The following LRRIQ1 variants were observed in gnomAD, a reference collection of about 807,000 sequenced individuals.
LRRIQ1 encodes the protein leucine-rich repeat- and IQ domain-containing protein 1.
Under a neutral mutation model 211.9 loss-of-function variants are expected in LRRIQ1, and 210 were observed. The observed-to-expected ratio is 0.99, with a 90% CI of 0.89 to 1.11. The LOEUF is 1.11. Ranked by LOEUF, LRRIQ1 falls within the 50% of genes most tolerant of loss-of-function variation. The probability of loss-of-function intolerance (pLI) is 0.00; values close to 1 mark genes in which losing one functional copy is unlikely to be tolerated. For synonymous variants in LRRIQ1, 699 were observed against 650.1 expected, an observed-to-expected ratio of 1.08 and a Z score of -1.14; for missense variants, 2,136 against 1,939.5, an observed-to-expected ratio of 1.10 and a Z score of -1.90.
At chr12:85,117,871 C>G (rs1732594558) in intron 15 of LRRIQ1, among the ~76,000 whole-genome samples, 2 of 152,018 alleles carry the variant, frequency 1.3e-5, no homozygotes, top group African/African-American at 2.4e-5. Context: ...CACAGTCATG[C>G]CTTTAAGAAA....
intron 26 of LRRIQ1, among the ~76,000 whole-genome samples, chr12:85,236,406 A>G (rs1215241448): frequency 6.6e-6 from 1 of 152,156 alleles, no homozygotes; most frequent in African/African-American, 2.4e-5. Context: ...CAATGAATAC[A>G]TTAGAAAAAT....
At chr12:85,148,051 C>T (rs1330880945) in intron 19 of LRRIQ1, among the ~76,000 whole-genome samples, 8 of 151,838 alleles carry the variant, frequency 5.3e-5, no homozygotes, top group Admixed American at 4.6e-4. Context: ...AGTTCAACTT[C>T]ATTTTCAATA....
intron 26 of LRRIQ1, 43 bp from the exon 27 acceptor site, chr12:85,244,746 A>G (rs774587772): frequency 2.7e-5 from 42 of 1,559,818 alleles, no homozygotes; most frequent in South Asian, 1.7e-4. Flanking sequence ...AAAATGCCAT[A>G]TTTTGTTTCA....
intron 24 of LRRIQ1, among the ~76,000 whole-genome samples, chr12:85,215,683 G>A (rs1025280424): frequency 6.6e-6 from 1 of 152,062 alleles, no homozygotes; most frequent in Non-Finnish European, 1.5e-5. Flanking sequence ...ACAGAAGTAG[G>A]ATGCAAGTGT....
chr12:85,111,195 T>G (rs1358880482), intron 15 of LRRIQ1, among the ~76,000 whole-genome samples: 1 of 152,138 alleles, frequency 6.6e-6, no homozygotes, highest in East Asian at 1.9e-4. Flanking sequence ...GTGGCTTCAC[T>G]GTACTTGGCT....
chr12:85,173,646 T>TACACAC (rs577398810), intron 24 of LRRIQ1, among the ~76,000 whole-genome samples: 1 of 149,948 alleles, frequency 6.7e-6, no homozygotes, highest in African/African-American at 2.5e-5. Context: ...CACACACACA[T>TACACAC]ACACACACAC....
intron 15 of LRRIQ1, among the ~76,000 whole-genome samples, chr12:85,112,754 T>C (rs1887276941): frequency 6.6e-6 from 1 of 152,078 alleles, no homozygotes; most frequent in South Asian, 2.1e-4. Context: ...AAAAATGCGT[T>C]AGTTGGACTC....
At chr12:85,251,726 G>T (rs1374981603) in intron 1 of LRRIQ1, among the ~76,000 whole-genome samples, 2 of 149,036 alleles carry the variant, frequency 1.3e-5, no homozygotes, top group Admixed American at 6.7e-5. Flanking sequence ...GAACATTATG[G>T]TGAAAATTAG....
rs202087547 is a variant in LRRIQ1, at chr12:85,086,935, C to CATTATTATTATTATTATT, written c.2888-11411_2888-11394dup. Among the ~76,000 whole-genome samples, 701 of 149,258 alleles carry CATTATTATTATTATTATT rather than the reference C, an allele frequency of 4.7e-3. 4 individuals are homozygous for CATTATTATTATTATTATT. Among genetic ancestry groups the CATTATTATTATTATTATT allele is most frequent in the African/African-American group, 0.015 (606 of 40,238 alleles). ...AACGATTGAATCTCAGATTGTTCTT[C>CATTATTATTATTATTATT]ATTATTATTATTATTATTATTATTA... On this transcript the variant is annotated intron_variant, in intron 11 of 26. Transcript: ENST00000393217.
At chr12:85,264,177 T>A (rs1226037553) in exon 2 of LRRIQ1, 1 of 152,056 alleles carries the variant, frequency 6.6e-6, no homozygotes, top group African/African-American at 2.4e-5. Flanking sequence ...CCTATTGCAT[T>A]GCAAACCTAT....
chr12:85,102,960 ATATAT>A (rs1274812882), intron 13 of LRRIQ1, among the ~76,000 whole-genome samples: 9 of 99,274 alleles, frequency 9.1e-5, no homozygotes, highest in African/African-American at 1.7e-4. Context: ...AAAAAAAAAA[ATATAT>A]ATATATATAT....
intron 26 of LRRIQ1, among the ~76,000 whole-genome samples, chr12:85,236,737 C>CAT (rs1206701048): frequency 6.8e-6 from 1 of 147,394 alleles, no homozygotes; most frequent in Admixed American, 6.8e-5. Context: ...TTTTTGGATA[C>CAT]ATATATATAT....
chr12:85,252,969 A>G (rs1895990745), intron 1 of LRRIQ1, among the ~76,000 whole-genome samples: 1 of 151,178 alleles, frequency 6.6e-6, no homozygotes, highest in South Asian at 2.1e-4. Flanking sequence ...ATTACACTTA[A>G]TATAAGTAAA....
intron 8 of LRRIQ1, among the ~76,000 whole-genome samples, chr12:85,064,154 A>G (rs548266397): frequency 6.6e-5 from 10 of 151,840 alleles, no homozygotes; most frequent in Non-Finnish European, 1.5e-4. Context: ...CCAACAGTGT[A>G]AGAGGTTCCC....
At chr12:85,164,496 T>C (rs1291164492) in intron 24 of LRRIQ1, among the ~76,000 whole-genome samples, 1 of 152,220 alleles carries the variant, frequency 6.6e-6, no homozygotes, top group Non-Finnish European at 1.5e-5. Context: ...TAAGTACATA[T>C]TAAGTGCTCA....
intron 11 of LRRIQ1, among the ~76,000 whole-genome samples, chr12:85,086,090 C>T (rs145249344): frequency 3.7e-4 from 57 of 152,268 alleles, no homozygotes; most frequent in African/African-American, 1.3e-3. Context: ...ACCTCTCCAA[C>T]ATCTGTTATT....
Position 85,056,841 on chromosome 12 carries a change from C to T in LRRIQ1, c.2048C>T (p.Pro683Leu), listed in dbSNP as rs776401325. 2 of 1,613,166 alleles carry T rather than the reference C, an allele frequency of 1.2e-6. No homozygotes were observed. Among genetic ancestry groups the T allele is most frequent in the East Asian group, 4.5e-5 (2 of 44,848 alleles). Residue 683 changes from proline to leucine, a missense_variant, in exon 8 of 27, where the codon CCT (proline) becomes CTT (leucine). Transcript: ENST00000393217. ...GATTATGTGTTAGGTAGACATGCTC[C>T]TTGTGAGGGCTTGAGTAACTATAAT... is the stretch of plus-strand genomic sequence containing the variant. ...DQDYVLGRHAPCEGLSNYNAE... is the reference protein window; with the variant it reads ...DQDYVLGRHALCEGLSNYNAE...
rs895835292 is a variant in LRRIQ1, at chr12:85,073,190, C to T, written c.2887+92C>T. 1.1e-5 allele frequency: 9 copies of T among 811,434 alleles called. 1 individual carries two copies. Among genetic ancestry groups the T allele is most frequent in the East Asian group, 8.8e-5 (3 of 33,900 alleles). 50.3% of individuals were successfully genotyped at this position (811,434 alleles called of 1,614,324 possible). ...GGATCTAGGCAGTCACCATCATCTC[C>T]TTTATTTTTTTAAATATAGGTAAAA... is the stretch of plus-strand genomic sequence containing the variant. On this transcript the variant is annotated intron_variant, in intron 11 of 26. Coordinates refer to ENST00000393217, the MANE Select transcript of LRRIQ1 (RefSeq NM_001079910.2).
At position 85,038,200 on chromosome 12, in the gene LRRIQ1, C is replaced by T. The variant is rs1436938243; in HGVS notation, c.24C>T (p.Leu8=). ...TAATGGACGATGATGATGCAAAGCT[C>T]AAAGCAGAAATAGAAGCTGAATTGG... MDDDDAK[L]KAEIEAELDK... is the part of the protein sequence containing the mutation. The change falls in exon 2 of 27, where the codon CTC becomes CTT. Residue 8 remains leucine, a synonymous_variant. Transcript: ENST00000393217. 6.3e-7 allele frequency: 1 copy of T among 1,576,064 alleles called. No homozygotes were observed. Among genetic ancestry groups the T allele is most frequent in the Non-Finnish European group, 8.6e-7 (1 of 1,159,370 alleles).
Sources: gnomAD v4.1 joint callset for allele counts (sites outside exome capture counted in the v4.1 genomes callset) on GRCh38, gnomAD v4.1.1 for gene constraint, MANE v1.5 for transcripts, NCBI Gene and HGNC (gene_info 2026-07-23, HGNC 2026-07-21) for gene names.